The following RPTOR variants were observed in gnomAD, a reference collection of about 807,000 sequenced individuals.
The protein encoded by RPTOR is regulatory-associated protein of mTOR.
In RPTOR, 21 loss-of-function variants were observed where a neutral mutation model predicts 169.9. The ratio of observed to expected loss-of-function variants is 0.12; its 90% CI spans 0.09 to 0.18. The LOEUF is 0.18. RPTOR is among the 10% of genes least tolerant of loss of function. RPTOR has a pLI of 1.00. For synonymous variants in RPTOR, 732 were observed against 753.2 expected (o/e 0.97, Z 0.46); for missense variants, 1,133 against 1,855.9 (o/e 0.61, Z 7.16).
chr17:80,692,015 C>T lies in RPTOR; in HGVS notation c.349-15826C>T, dbSNP rs1378023916. On this transcript the variant is annotated intron_variant, in intron 3 of 33. Coordinates refer to ENST00000306801, the MANE Select transcript of RPTOR (RefSeq NM_020761.3). ...AAAGCAACACCAGCACTGCCACTGA[C>T]GCGGTTACTGAGAGCCGCTGCCGAG... 1.3e-5 allele frequency among the ~76,000 whole-genome samples: 2 copies of T among 152,214 alleles called. 1 individual carries two copies. Among genetic ancestry groups the T allele is most frequent in the South Asian group, 4.1e-4 (2 of 4,832 alleles).
At chr17:80,713,940 T>TA (rs1354768526) in intron 4 of RPTOR, among the ~76,000 whole-genome samples, 2 of 152,164 alleles carry the variant, frequency 1.3e-5, no homozygotes, top group Admixed American at 1.3e-4. Flanking sequence ...AATTGATAGT[T>TA]AAAAAATTTT....
chr17:80,600,762 G>T (rs2065179045), intron 1 of RPTOR, among the ~76,000 whole-genome samples: 1 of 152,184 alleles, frequency 6.6e-6, no homozygotes, highest in African/African-American at 2.4e-5. Flanking sequence ...GAGGTGTCAG[G>T]TTCATTTTGC....
intron 24 of RPTOR, among the ~76,000 whole-genome samples, chr17:80,934,441 C>T (rs2068932461): frequency 1.3e-5 from 2 of 152,214 alleles, no homozygotes; most frequent in Non-Finnish European, 2.9e-5. Context: ...TCTTTGCAAC[C>T]TCAATCTCCT....
rs1039862564 is a variant in RPTOR, at chr17:80,730,236, A to G, written c.508-324A>G. 2.6e-5 allele frequency among the ~76,000 whole-genome samples: 4 copies of G among 152,078 alleles called. No individual in the cohort carries two copies. Among genetic ancestry groups the G allele is most frequent in the African/African-American group, 9.7e-5 (4 of 41,408 alleles). On this transcript the variant is annotated intron_variant, in intron 4 of 33. Coordinates refer to ENST00000306801, the MANE Select transcript of RPTOR (RefSeq NM_020761.3). This position sits in a 1 kb window ranked among gnomAD's most constrained non-coding sequence, Gnocchi z 4.2. The stretch of plus-strand genomic sequence containing the variant: ...ATTCTCCTGCCTCAGCCTCCCAAGT[A>G]GCTGGGTTTACAGGTGCCCTTCACC...
At chr17:80,585,247 C>A (rs9902719) in intron 1 of RPTOR, among the ~76,000 whole-genome samples, 1 of 146,544 alleles carries the variant, frequency 6.8e-6, no homozygotes, top group Non-Finnish European at 1.5e-5. Context: ...CTCTGTCGCC[C>A]AGGTTGGAGT....
chr17:80,800,174 A>G (rs1291151600), intron 7 of RPTOR, among the ~76,000 whole-genome samples: 3 of 152,164 alleles, frequency 2.0e-5, no homozygotes, highest in African/African-American at 4.8e-5. Context: ...CACCAGCTCA[A>G]TGGCAGTTTC....
intron 1 of RPTOR, among the ~76,000 whole-genome samples, chr17:80,579,724 C>T (rs2064998484): frequency 6.6e-6 from 1 of 152,136 alleles, no homozygotes; most frequent in Non-Finnish European, 1.5e-5. Flanking sequence ...GTCTGGGATC[C>T]ATGTAAATGA....
At chr17:80,660,507 C>G (rs1048060649) in intron 3 of RPTOR, among the ~76,000 whole-genome samples, 1 of 152,166 alleles carries the variant, frequency 6.6e-6, no homozygotes, top group African/African-American at 2.4e-5. Flanking sequence ...TATGGCCACA[C>G]TCTGAGGAGC....
chr17:80,734,918 A>T (rs139483514), intron 5 of RPTOR, among the ~76,000 whole-genome samples: 3,403 of 152,332 alleles, frequency 0.022, 57 homozygotes, highest in Non-Finnish European at 0.036. Flanking sequence ...AGTAGATGTT[A>T]TAAGTAGAGA....
intron 1 of RPTOR, among the ~76,000 whole-genome samples, chr17:80,586,321 T>C (rs576593472): frequency 2.0e-5 from 3 of 152,158 alleles, no homozygotes; most frequent in Non-Finnish European, 4.4e-5. Context: ...TTGTGACTGA[T>C]TGGTGCCTCC....
At position 80,746,097 on chromosome 17, in the gene RPTOR, G is replaced by A. The variant is rs2066570375; in HGVS notation, c.655-7913G>A. 6.6e-6 allele frequency among the ~76,000 whole-genome samples: 1 copy of A among 152,038 alleles called. No homozygotes were observed. Among genetic ancestry groups the A allele is most frequent in the African/African-American group, 2.4e-5 (1 of 41,418 alleles). On this transcript the variant is annotated intron_variant, in intron 5 of 33. Coordinates refer to ENST00000306801, the MANE Select transcript of RPTOR (RefSeq NM_020761.3). The surrounding 1 kb of genome is among the most constrained non-coding windows in gnomAD (Gnocchi z 4.5). Reference sequence around the variant, plus strand: ...GAATCGCTTGAACCCAGGAGGTGGAGGTTGCAGTGAGCTGAGATGGTGCCA... The same window carrying A: ...GAATCGCTTGAACCCAGGAGGTGGAAGTTGCAGTGAGCTGAGATGGTGCCA...
chr17:80,853,178 A>G (rs2067812375), intron 11 of RPTOR, among the ~76,000 whole-genome samples: 1 of 151,754 alleles, frequency 6.6e-6, no homozygotes, highest in African/African-American at 2.4e-5. Context: ...ATCTCAAAAC[A>G]AACTGACCTC....
intron 13 of RPTOR, among the ~76,000 whole-genome samples, chr17:80,875,066 G>T (rs968835817): frequency 6.6e-6 from 1 of 152,186 alleles, no homozygotes; most frequent in African/African-American, 2.4e-5. Flanking sequence ...TGCCTTCCCC[G>T]TCAGGCACGG....
chr17:80,670,743 T>C (rs549145788), intron 3 of RPTOR, among the ~76,000 whole-genome samples: 5 of 152,322 alleles, frequency 3.3e-5, no homozygotes, highest in African/African-American at 1.2e-4. Flanking sequence ...CGTTTGCCTG[T>C]AGACGACACA....
intron 24 of RPTOR, 44 bp from the exon 25 acceptor site, chr17:80,940,449 ACCC>A (rs750253497): frequency 1.9e-6 from 3 of 1,538,930 alleles, no homozygotes; most frequent in Non-Finnish European, 2.7e-6. Flanking sequence ...CCAAGAGACA[ACCC>A]TGTTTCATCG....
At chr17:80,945,850 C>G in intron 26 of RPTOR, 69 bp downstream of exon 26, 1 of 849,148 alleles carries the variant, frequency 1.2e-6, no homozygotes, top group Non-Finnish European at 1.8e-6. Context: ...TGTTCTCCCC[C>G]GATCACCACT....
chr17:80,653,671 G>A (rs1045512534), intron 3 of RPTOR, among the ~76,000 whole-genome samples: 4 of 152,246 alleles, frequency 2.6e-5, no homozygotes, highest in Admixed American at 6.5e-5. Flanking sequence ...ACCAGTGCCC[G>A]GTCTCCGCCG....
At chr17:80,636,463 G>T (rs2065507260) in intron 2 of RPTOR, among the ~76,000 whole-genome samples, 1 of 152,120 alleles carries the variant, frequency 6.6e-6, no homozygotes, top group South Asian at 2.1e-4. Context: ...GCACTGGCAG[G>T]TCTGTTGTCT....
Position 80,844,703 on chromosome 17 carries a change from G to T in RPTOR, c.1213-1770G>T, listed in dbSNP as rs1315159643. Among the ~76,000 whole-genome samples, 1 of 152,204 alleles carries T rather than the reference G, an allele frequency of 6.6e-6. No homozygotes were observed. The highest frequency in any genetic ancestry group is 1.5e-5 in the Non-Finnish European group (1 of 68,036). ...TAAGTCGGGCCACGGGGCTCTGCCC[G>T]CCAGGCTCCTCTGTGGAGGCTGCCG... is the stretch of plus-strand genomic sequence containing the variant. On this transcript the variant is annotated intron_variant, in intron 10 of 33. Transcript: ENST00000306801. This position sits in a 1 kb window ranked among gnomAD's most constrained non-coding sequence, Gnocchi z 4.7.
Sources: allele counts gnomAD v4.1 joint callset (sites outside exome capture counted in the v4.1 genomes callset), GRCh38; gene constraint gnomAD v4.1.1; non-coding constraint Gnocchi (gnomAD v3.1); transcripts MANE v1.5; gene names NCBI Gene and HGNC (gene_info 2026-07-23, HGNC 2026-07-21).